NF1: variants seen among roughly 807,000 people sequenced by gnomAD.
NF1 encodes neurofibromin 1.
NF1 carries 122 observed loss-of-function variants against 325.7 expected under a neutral mutation model. The observed-to-expected ratio is 0.37, with a 90% confidence interval of 0.32 to 0.44. The LOEUF (loss-of-function observed/expected upper bound fraction) is 0.44, where lower values mean the gene tolerates loss of function less well. Ranked by LOEUF, NF1 falls within the 20% of genes least tolerant of loss-of-function variation. The probability of loss-of-function intolerance (pLI) is 1.00; values close to 1 mark genes in which losing one functional copy is unlikely to be tolerated. For missense variants in NF1, 2,140 were observed against 3,415.4 expected, an observed-to-expected ratio of 0.63 and a Z score of 9.31; for synonymous variants, 1,091 against 1,186.0, an observed-to-expected ratio of 0.92 and a Z score of 1.65.
intron 36 of NF1, among the ~76,000 whole-genome samples, chr17:31,276,080 G>T (rs1239504857): frequency 6.6e-6 from 1 of 151,896 alleles, no homozygotes; most frequent in Non-Finnish European, 1.5e-5. Context: ...TTGGTGGTAT[G>T]CGCCTGTAGT....
At chr17:31,271,340 C>G (rs1000946260) in intron 36 of NF1, among the ~76,000 whole-genome samples, 1 of 150,150 alleles carries the variant, frequency 6.7e-6, no homozygotes, top group Non-Finnish European at 1.5e-5. Flanking sequence ...GGCACCTTTT[C>G]TTAGCGAAAT....
intron 1 of NF1, among the ~76,000 whole-genome samples, chr17:31,144,013 C>T (rs1207454668): frequency 6.6e-6 from 1 of 151,970 alleles, no homozygotes; most frequent in Non-Finnish European, 1.5e-5. Flanking sequence ...TTAGTAGAGA[C>T]AGGGTTTCAC....
intron 36 of NF1, among the ~76,000 whole-genome samples, chr17:31,320,185 T>A (rs1483749637): frequency 6.6e-6 from 1 of 152,170 alleles, no homozygotes; most frequent in African/African-American, 2.4e-5. Flanking sequence ...TGTCTTGAGC[T>A]ACTTTTGAAA....
intron 1 of NF1, among the ~76,000 whole-genome samples, chr17:31,150,015 T>C (rs1916820514): frequency 1.3e-5 from 2 of 152,206 alleles, no homozygotes; most frequent in Admixed American, 6.5e-5. Flanking sequence ...TCTCATTGTA[T>C]GTTACTGTGA....
At chr17:31,200,186 G>GT (rs922039783) in intron 8 of NF1, among the ~76,000 whole-genome samples, 32 of 151,306 alleles carry the variant, frequency 2.1e-4, no homozygotes, top group Non-Finnish European at 4.1e-4. Flanking sequence ...GGGAAGGACT[G>GT]TTTTTTGTAT....
intron 1 of NF1, among the ~76,000 whole-genome samples, chr17:31,100,887 A>G (rs1912265265): frequency 6.6e-6 from 1 of 152,172 alleles, no homozygotes; most frequent in Non-Finnish European, 1.5e-5. Flanking sequence ...TCCTTTAGAA[A>G]GATTTCTTCC....
At chr17:31,181,395 A>C in intron 5 of NF1, 27 bp from the exon 6 acceptor site, 2 of 1,600,040 alleles carry the variant, frequency 1.2e-6, no homozygotes, top group Non-Finnish European at 1.7e-6. Flanking sequence ...TTCTAGAGTT[A>C]ATTTTTAAAA....
At chr17:31,188,547 A>G (rs1230104328) in intron 8 of NF1, among the ~76,000 whole-genome samples, 1 of 152,146 alleles carries the variant, frequency 6.6e-6, no homozygotes, top group Non-Finnish European at 1.5e-5. Context: ...GGAGATATGT[A>G]TGGGTTCAAG....
intron 37 of NF1, 77 bp from the exon 38 acceptor site, chr17:31,327,422 G>C: frequency 8.7e-7 from 1 of 1,152,828 alleles, no homozygotes; most frequent in Non-Finnish European, 1.3e-6. Flanking sequence ...TGGTTGGTTG[G>C]TTTCTGGAGC....
intron 35 of NF1, among the ~76,000 whole-genome samples, chr17:31,263,998 T>A (rs2067740448): frequency 6.6e-6 from 1 of 152,298 alleles, no homozygotes; most frequent in Admixed American, 6.5e-5. Flanking sequence ...TTAATATTTT[T>A]AAAATTCTGA....
intron 40 of NF1, among the ~76,000 whole-genome samples, chr17:31,335,279 T>TACATATAC (rs1257891070): frequency 5.6e-5 from 3 of 53,524 alleles, no homozygotes; most frequent in Non-Finnish European, 1.6e-4. Context: ...CATAATTATA[T>TACATATAC]ATATATATAT....
intron 29 of NF1, among the ~76,000 whole-genome samples, chr17:31,247,490 T>C (rs956834055): frequency 1.3e-5 from 2 of 152,158 alleles, no homozygotes; most frequent in African/African-American, 4.8e-5. Flanking sequence ...TAAAAGCATG[T>C]CTAACCTTAG....
rs188758432 is a variant in NF1, at chr17:31,229,599, G to A, written c.2850+134G>A. On this transcript the variant is annotated intron_variant, in intron 21 of 57. Coordinates refer to ENST00000358273, the MANE Select transcript of NF1 (RefSeq NM_001042492.3). The stretch of plus-strand genomic sequence containing the variant: ...TTTCCAAAAAATTGCAGAAAGAAGA[G>A]TCATCTCAATGTAGGGGTCAGCTTG... 4.4e-6 allele frequency: 5 copies of A among 1,145,638 alleles called. No individual in the cohort carries two copies. In the African/African-American group the frequency reaches 7.8e-5, roughly 18 times the overall value. The allele number at this position is 1,145,638 out of a possible 1,614,324, so 71.0% of individuals were successfully genotyped here.
intron 48 of NF1, among the ~76,000 whole-genome samples, chr17:31,346,840 T>TTTGG (rs2069999870): frequency 1.4e-5 from 2 of 143,902 alleles, no homozygotes; most frequent in African/African-American, 5.3e-5. Flanking sequence ...TTTTTTTTTT[T>TTTGG]ACATCTGTTT....
intron 27 of NF1, among the ~76,000 whole-genome samples, chr17:31,233,834 G>C (rs2067155366): frequency 6.6e-6 from 1 of 152,124 alleles, no homozygotes; most frequent in African/African-American, 2.4e-5. Context: ...AGTAAATTAT[G>C]ACTAATAAGG....
chr17:31,374,547 A>C lies in NF1; in HGVS notation c.*392A>C. 2.5e-6 allele frequency: 1 copy of C among 393,752 alleles called. No homozygotes were observed. Among genetic ancestry groups the C allele is most frequent in the South Asian group, 2.8e-5 (1 of 35,220 alleles). 24.4% of individuals were successfully genotyped at this position (393,752 alleles called of 1,614,324 possible). ...TGCCTTCTGTGGTTTTCCCTTCTTC[A>C]TCCTACAGAGTAAAGTGTTAGTCCT... On this transcript the variant is annotated 3_prime_UTR_variant, in exon 58 of 58. Coordinates refer to ENST00000358273, the MANE Select transcript of NF1 (RefSeq NM_001042492.3).
intron 29 of NF1, among the ~76,000 whole-genome samples, chr17:31,241,264 G>A (rs1181941835): frequency 6.6e-6 from 1 of 152,014 alleles, no homozygotes; most frequent in Non-Finnish European, 1.5e-5. Flanking sequence ...CAGATTGTTG[G>A]GTCATGGGTT....
intron 1 of NF1, among the ~76,000 whole-genome samples, chr17:31,152,554 T>C (rs996336550): frequency 8.7e-5 from 13 of 150,118 alleles, no homozygotes; most frequent in South Asian, 2.1e-4. Flanking sequence ...CCCTTTTTTT[T>C]CAACATTTGT....
Position 31,155,949 on chromosome 17 carries a change from C to G in NF1, c.61-34C>G, listed in dbSNP as rs1319679030. 4.4e-6 allele frequency: 7 copies of G among 1,602,722 alleles called. No individual in the cohort carries two copies. In the African/African-American group the frequency reaches 8.1e-5, roughly 18 times the overall value. ...ATTTATGGTCGTTTTTAAGGATAAG[C>G]TGTTAACGTGTTTTTTTTTTCTTTT... is the stretch of plus-strand genomic sequence containing the variant. On this transcript the variant is annotated intron_variant, in intron 1 of 57. Coordinates refer to ENST00000358273, the MANE Select transcript of NF1 (RefSeq NM_001042492.3).
Sources: allele counts gnomAD v4.1 joint callset (sites outside exome capture counted in the v4.1 genomes callset), GRCh38; gene constraint gnomAD v4.1.1; transcripts MANE v1.5; gene names NCBI Gene and HGNC (gene_info 2026-07-23, HGNC 2026-07-21).